Variants in SLC16A7 observed in about 807,000 individuals in gnomAD.
The protein encoded by SLC16A7 is monocarboxylate transporter 2.
Under a neutral mutation model 34.9 loss-of-function variants are expected in SLC16A7, and 33 were observed. The ratio of observed to expected loss-of-function variants is 0.94; its 90% confidence interval spans 0.72 to 1.26. The LOEUF (loss-of-function observed/expected upper bound fraction) is 1.26, where lower values mean the gene tolerates loss of function less well. Ranked by LOEUF, SLC16A7 falls within the 50% of genes most tolerant of loss-of-function variation. SLC16A7 has a pLI of 0.00. For missense variants in SLC16A7, 573 were observed against 578.1 expected, an observed-to-expected ratio of 0.99 and a Z score of 0.09; for synonymous variants, 201 against 206.6, an observed-to-expected ratio of 0.97 and a Z score of 0.23.
intron 3 of SLC16A7, among the ~76,000 whole-genome samples, chr12:59,727,548 A>G (rs1409143989): frequency 6.6e-6 from 1 of 152,164 alleles, no homozygotes; most frequent in East Asian, 1.9e-4. Flanking sequence ...AAACATCATG[A>G]AGAGAGGAGT....
chr12:59,754,636 G>C (rs959198380), intron 3 of SLC16A7, among the ~76,000 whole-genome samples: 134 of 152,232 alleles, frequency 8.8e-4, no homozygotes, highest in Middle Eastern at 3.4e-3. Flanking sequence ...ACCAAAAAGA[G>C]TCCAGGACCA....
chr12:59,725,484 A>G (rs569464815), intron 3 of SLC16A7, among the ~76,000 whole-genome samples: 1 of 152,190 alleles, frequency 6.6e-6, no homozygotes, highest in East Asian at 1.9e-4. Context: ...CCATTTCCCT[A>G]TTAAAAATGG....
intron 3 of SLC16A7, among the ~76,000 whole-genome samples, chr12:59,739,628 C>T (rs1000479416): frequency 3.3e-5 from 5 of 150,436 alleles, no homozygotes; most frequent in Non-Finnish European, 7.4e-5. Context: ...CACTGTCTTC[C>T]ACAATGGTTG....
intron 2 of SLC16A7, among the ~76,000 whole-genome samples, chr12:59,677,802 C>T (rs1039454799): frequency 2.6e-5 from 4 of 152,210 alleles, no homozygotes; most frequent in African/African-American, 9.6e-5. Flanking sequence ...CTTTTCTACC[C>T]TCATTTATGT....
chr12:59,754,070 C>T (rs529120080), intron 3 of SLC16A7, among the ~76,000 whole-genome samples: 106 of 152,178 alleles, frequency 7.0e-4, no homozygotes, highest in African/African-American at 2.1e-3. Context: ...AGAACAAAGA[C>T]GCAACATACC....
At chr12:59,770,718 A>T (rs1164411820) in intron 3 of SLC16A7, among the ~76,000 whole-genome samples, 2 of 152,192 alleles carry the variant, frequency 1.3e-5, no homozygotes, top group Admixed American at 6.6e-5. Flanking sequence ...TCTTAGAATC[A>T]ATAAATTATA....
rs1883643988 is a variant in SLC16A7 at position 59,786,666 on chromosome 12, G to A, written c.*6987G>A. The A allele has an allele frequency of 6.6e-6, 1 of 152,052 alleles. No individual in the cohort carries two copies. Among genetic ancestry groups the A allele is most frequent in the Non-Finnish European group, 1.5e-5 (1 of 67,976 alleles). 9.4% of individuals were successfully genotyped at this position (152,052 alleles called of 1,614,324 possible). The stretch of plus-strand genomic sequence containing the variant: ...ATTCATTTCATCCTCTCAACCCTCA[G>A]TTTTGATAGGTATCCACATTTTTAC... On this transcript the variant is annotated 3_prime_UTR_variant, in exon 6 of 6. Coordinates refer to ENST00000547379, the MANE Select transcript of SLC16A7 (RefSeq NM_001270623.2).
intron 3 of SLC16A7, among the ~76,000 whole-genome samples, chr12:59,768,683 C>A (rs1881925549): frequency 6.6e-6 from 1 of 152,120 alleles, no homozygotes; most frequent in South Asian, 2.1e-4. Context: ...ACTGATGCAA[C>A]AAACTTGTTT....
intron 1 of SLC16A7, among the ~76,000 whole-genome samples, chr12:59,646,957 A>T (rs1398006559): frequency 6.6e-6 from 1 of 152,268 alleles, no homozygotes; most frequent in Admixed American, 6.5e-5. Context: ...TCCATTTGGA[A>T]TGGGTGTATA....
chr12:59,764,890 T>A (rs915157322), intron 3 of SLC16A7, among the ~76,000 whole-genome samples: 1 of 152,186 alleles, frequency 6.6e-6, no homozygotes, highest in Non-Finnish European at 1.5e-5. Context: ...TAGTTCTAGA[T>A]CCCTGAGGAA....
At position 59,771,238 on chromosome 12, in the gene SLC16A7, G is replaced by A. The variant is rs756097599; in HGVS notation, c.237G>A (p.Leu79=). 2 of 1,612,898 alleles carry A rather than the reference G, an allele frequency of 1.2e-6. No individual in the cohort carries two copies. Among genetic ancestry groups the A allele is most frequent in the East Asian group, 2.2e-5 (1 of 44,780 alleles). ...CTGTAGGTCCTGTAAGTAGTGTTTT[G>A]GTGAATAAATACGGCAGCCGGCCGG... The part of the protein sequence containing the change: ...MYAGGPVSSV[L]VNKYGSRPVV... Residue 79 remains leucine (L), a synonymous_variant, in exon 4 of 6, where the codon TTG becomes TTA. Coordinates refer to ENST00000547379, the MANE Select transcript of SLC16A7 (RefSeq NM_001270623.2).
chr12:59,651,269 A>G (rs1298772318), intron 1 of SLC16A7, among the ~76,000 whole-genome samples: 1 of 152,192 alleles, frequency 6.6e-6, no homozygotes, highest in Non-Finnish European at 1.5e-5. Flanking sequence ...TGAGAACAAG[A>G]TTAGTGAACT....
chr12:59,719,292 A>T (rs1875287456), intron 3 of SLC16A7, among the ~76,000 whole-genome samples: 1 of 152,214 alleles, frequency 6.6e-6, no homozygotes, highest in African/African-American at 2.4e-5. Flanking sequence ...CAAGGTAAAA[A>T]TATCAAGTCT....
At chr12:59,671,053 T>C (rs1869638750) in intron 2 of SLC16A7, among the ~76,000 whole-genome samples, 1 of 152,174 alleles carries the variant, frequency 6.6e-6, no homozygotes, top group South Asian at 2.1e-4. Context: ...TTCATGAAGG[T>C]CCAAGCCATC....
chr12:59,770,519 G>T (rs1882118610), intron 3 of SLC16A7, among the ~76,000 whole-genome samples: 1 of 152,080 alleles, frequency 6.6e-6, no homozygotes, highest in African/African-American at 2.4e-5. Context: ...TCCTTAAAAG[G>T]TTCTACTGAA....
chr12:59,661,247 G>A (rs1868835001), intron 2 of SLC16A7, among the ~76,000 whole-genome samples: 1 of 152,046 alleles, frequency 6.6e-6, no homozygotes, highest in Admixed American at 6.6e-5. Flanking sequence ...GAGATTGGAG[G>A]CTGGGATAAC....
intron 1 of SLC16A7, among the ~76,000 whole-genome samples, chr12:59,646,763 G>A (rs760742215): frequency 6.6e-6 from 1 of 152,180 alleles, no homozygotes; most frequent in Non-Finnish European, 1.5e-5. Flanking sequence ...CAGGAGGGGG[G>A]CTGTACCATG....
intron 3 of SLC16A7, among the ~76,000 whole-genome samples, chr12:59,767,948 T>TG (rs1398800013): frequency 3.1e-5 from 2 of 65,076 alleles, no homozygotes; most frequent in East Asian, 4.5e-4. Flanking sequence ...TGTCGTGGGG[T>TG]GGGGGGAAGG....
rs538430698 is a variant in SLC16A7, at chr12:59,761,260, T to C, written c.218-9959T>C. 4.0e-6 allele frequency: 3 copies of C among 743,858 alleles called. No individual in the cohort carries two copies. In the South Asian group the frequency reaches 4.7e-5, roughly 12 times the overall value. The allele number at this position is 743,858 out of a possible 1,614,324, so 46.1% of individuals were successfully genotyped here. A position where few individuals can be genotyped will look rare whatever the true frequency, so the allele number is the denominator to read the frequency against. On this transcript the variant is annotated intron_variant, in intron 3 of 5. Coordinates refer to ENST00000547379, the MANE Select transcript of SLC16A7 (RefSeq NM_001270623.2). ...GATAAGATTTAGATTTCTTTTTTCATCTTCTGTTTTAGAAGCATTTATATT... is the reference window on the plus strand; with the variant it reads ...GATAAGATTTAGATTTCTTTTTTCACCTTCTGTTTTAGAAGCATTTATATT...
Sources: gnomAD v4.1 joint callset for allele counts (sites outside exome capture counted in the v4.1 genomes callset) on GRCh38, gnomAD v4.1.1 for gene constraint, MANE v1.5 for transcripts, NCBI Gene and HGNC (gene_info 2026-07-23, HGNC 2026-07-21) for gene names.